RABGAP1L: variants seen among roughly 807,000 people sequenced by gnomAD.
The protein encoded by RABGAP1L is RAB GTPase activating protein 1 like, also known as rab GTPase-activating protein 1-like.
A neutral mutation model predicts 137.7 loss-of-function variants in RABGAP1L; 63 were observed. The observed-to-expected ratio is 0.46, with a 90% CI of 0.37 to 0.56. The LOEUF is 0.56. RABGAP1L is among the 20% of genes least tolerant of loss of function. The pLI is 0.00. For missense variants in RABGAP1L, 1,095 were observed against 1,244.0 expected, an observed-to-expected ratio of 0.88 and a Z score of 1.80; for synonymous variants, 431 against 433.7, an observed-to-expected ratio of 0.99 and a Z score of 0.08.
intron 7 of RABGAP1L, among the ~76,000 whole-genome samples, chr1:174,267,927 G>C (rs1211512373): frequency 6.6e-6 from 1 of 152,026 alleles, no homozygotes; most frequent in Non-Finnish European, 1.5e-5. Context: ...TTATTTTTGT[G>C]GTTCCACACC....
intron 19 of RABGAP1L, among the ~76,000 whole-genome samples, chr1:174,875,866 G>A (rs1653017303): frequency 6.6e-6 from 1 of 152,172 alleles, no homozygotes; most frequent in Admixed American, 6.5e-5. Flanking sequence ...CAAAAATGAA[G>A]TAAAAATGCT....
intron 19 of RABGAP1L, among the ~76,000 whole-genome samples, chr1:174,826,527 AT>A (rs1169280529): frequency 6.6e-6 from 1 of 151,758 alleles, no homozygotes; most frequent in Admixed American, 6.6e-5. Context: ...CGGCCACCAC[AT>A]TTTCTTTATC....
chr1:174,336,116 T>G (rs1681444622), intron 11 of RABGAP1L, among the ~76,000 whole-genome samples: 2 of 152,150 alleles, frequency 1.3e-5, no homozygotes, highest in Admixed American at 6.6e-5. Flanking sequence ...AGTTTGCAAA[T>G]GAAGATTCTT....
intron 13 of RABGAP1L, among the ~76,000 whole-genome samples, chr1:174,622,248 T>G (rs1331727533): frequency 5.9e-5 from 9 of 152,212 alleles, no homozygotes; most frequent in Non-Finnish European, 1.2e-4. Flanking sequence ...ACTTTTACAG[T>G]GTTGGTGGGA....
chr1:174,800,094 G>T (rs1346220006), intron 18 of RABGAP1L: 2 of 1,311,312 alleles, frequency 1.5e-6, no homozygotes, highest in Non-Finnish European at 1.9e-6. Flanking sequence ...TGCTTTTGCC[G>T]TTTTTTATTT....
chr1:174,426,223 CAT>C (rs1651935585), intron 13 of RABGAP1L, among the ~76,000 whole-genome samples: 1 of 151,948 alleles, frequency 6.6e-6, no homozygotes, highest in Admixed American at 6.6e-5. Context: ...TAAATAGTCC[CAT>C]AATGACATTC....
intron 14 of RABGAP1L, among the ~76,000 whole-genome samples, chr1:174,682,766 T>C (rs1489128964): frequency 6.6e-6 from 1 of 152,244 alleles, no homozygotes; most frequent in Non-Finnish European, 1.5e-5. Context: ...AATGATATGA[T>C]AGCTACTTTC....
At chr1:174,161,532 G>A (rs564809199) in intron 1 of RABGAP1L, among the ~76,000 whole-genome samples, 63 of 151,910 alleles carry the variant, frequency 4.1e-4, no homozygotes, top group African/African-American at 1.4e-3. Flanking sequence ...TAGCCACAGC[G>A]CCCGGCCTCT....
intron 13 of RABGAP1L, among the ~76,000 whole-genome samples, chr1:174,413,454 C>A (rs1650179241): frequency 1.3e-5 from 2 of 152,056 alleles, no homozygotes; most frequent in African/African-American, 4.8e-5. Flanking sequence ...TATGAGTTTC[C>A]ATTTTAGTTG....
chr1:174,618,904 C>T (rs374031443), intron 13 of RABGAP1L, among the ~76,000 whole-genome samples: 5 of 152,058 alleles, frequency 3.3e-5, no homozygotes, highest in African/African-American at 4.8e-5. Flanking sequence ...AAAATTTAGA[C>T]GAATGTATAA....
intron 19 of RABGAP1L, among the ~76,000 whole-genome samples, chr1:174,944,644 T>TA (rs71815856): frequency 0.23 from 27,842 of 119,534 alleles, 3,099 homozygotes; most frequent in East Asian, 0.55. Flanking sequence ...CTCAAAAAAT[T>TA]AAAAAAAAAA....
At chr1:174,784,283 TGCTGGGATTACAGGCTTGA>T (rs945076855) in intron 18 of RABGAP1L, among the ~76,000 whole-genome samples, 2 of 152,090 alleles carry the variant, frequency 1.3e-5, no homozygotes, top group African/African-American at 4.8e-5. Context: ...CTCCCGAAAG[TGCTGGGATTACAGGCTTGA>T]GCCACCGCGC....
chr1:174,462,708 A>G (rs559682307), intron 13 of RABGAP1L, among the ~76,000 whole-genome samples: 1 of 152,204 alleles, frequency 6.6e-6, no homozygotes, highest in African/African-American at 2.4e-5. Context: ...AGTGGTCCCC[A>G]GTGTCTGTTG....
At chr1:174,542,007 G>C (rs976756997) in intron 13 of RABGAP1L, among the ~76,000 whole-genome samples, 3 of 152,198 alleles carry the variant, frequency 2.0e-5, no homozygotes, top group African/African-American at 7.2e-5. Flanking sequence ...GTATTTTATT[G>C]AGGATCTTTG....
chr1:174,506,065 C>G (rs756445365), intron 13 of RABGAP1L, among the ~76,000 whole-genome samples: 58 of 152,180 alleles, frequency 3.8e-4, no homozygotes, highest in Non-Finnish European at 7.1e-4. Context: ...ACCACATGAT[C>G]TCTTACGTGC....
chr1:174,821,678 T>C (rs1282522754), intron 19 of RABGAP1L, among the ~76,000 whole-genome samples: 1 of 152,232 alleles, frequency 6.6e-6, no homozygotes, highest in African/African-American at 2.4e-5. Context: ...TTGCTATTTA[T>C]TCCTGGCTGT....
At chr1:174,345,526 A>T (rs1275730813) in intron 11 of RABGAP1L, among the ~76,000 whole-genome samples, 1 of 152,108 alleles carries the variant, frequency 6.6e-6, no homozygotes, top group Non-Finnish European at 1.5e-5. Context: ...GTTAATTCAT[A>T]GGTATTTAAT....
At chr1:174,441,857 G>T (rs1392791308) in intron 13 of RABGAP1L, among the ~76,000 whole-genome samples, 5 of 148,868 alleles carry the variant, frequency 3.4e-5, no homozygotes, top group Non-Finnish European at 5.9e-5. Context: ...TTTTAAAGTT[G>T]GTGGAAAGAA....
At chr1:174,262,977 A>G (rs1300224710) in intron 7 of RABGAP1L, among the ~76,000 whole-genome samples, 2 of 152,242 alleles carry the variant, frequency 1.3e-5, no homozygotes, top group African/African-American at 4.8e-5. Context: ...ACATCCAGTG[A>G]TGCTGTGCTT....
Sources: gnomAD v4.1 joint callset for allele counts (sites outside exome capture counted in the v4.1 genomes callset) on GRCh38, gnomAD v4.1.1 for gene constraint, MANE v1.5 for transcripts, NCBI Gene and HGNC (gene_info 2026-07-23, HGNC 2026-07-21) for gene names.